The following NPIPA6 variants were observed in gnomAD, a reference collection of about 807,000 sequenced individuals.
The protein encoded by NPIPA6 is nuclear pore complex-interacting protein family member A6.
the NPIPA6 span, among the ~76,000 whole-genome samples, chr16:16,337,966 ATAGCT>A: frequency 5.1e-5 from 3 of 58,640 alleles, no homozygotes; most frequent in African/African-American, 2.7e-4. Context: ...CTTTCTTATC[ATAGCT>A]TAGCTTGCTT....
At chr16:16,338,248 G>A in the NPIPA6 span, among the ~76,000 whole-genome samples, 1 of 63,114 alleles carries the variant, frequency 1.6e-5, no homozygotes, top group Non-Finnish European at 2.6e-5. Context: ...ATGTAGAAAT[G>A]TTATCAGAAG....
At chr16:16,337,163 A>G in the NPIPA6 span, among the ~76,000 whole-genome samples, 1 of 100,814 alleles carries the variant, frequency 9.9e-6, no homozygotes, top group Non-Finnish European at 1.9e-5. Flanking sequence ...TCTTGTCTCT[A>G]ACAAACAAAA....
chr16:16,343,713 T>TTGTGTGTGTG, the NPIPA6 span, among the ~76,000 whole-genome samples: 3 of 81,586 alleles, frequency 3.7e-5, no homozygotes, highest in East Asian at 4.6e-4. Context: ...TTCTTGTGTG[T>TTGTGTGTGTG]TGTGTGTGTG....
At chr16:16,336,606 C>G in the NPIPA6 span, 5 of 215,542 alleles carry the variant, frequency 2.3e-5, no homozygotes, top group Non-Finnish European at 4.4e-5. Flanking sequence ...CAACTCAGAT[C>G]GGGCCCGGTC....
the NPIPA6 span, chr16:16,334,257 CTTTTTTTT>C: frequency 7.7e-6 from 2 of 259,626 alleles, no homozygotes; most frequent in African/African-American, 4.6e-5. Flanking sequence ...AGGGCTTCTT[CTTTTTTTT>C]TTTTTTTTTT....
the NPIPA6 span, chr16:16,336,625 C>T: frequency 5.5e-6 from 1 of 182,234 alleles, no homozygotes; most frequent in African/African-American, 5.2e-5. Flanking sequence ...TCCCCGTCCC[C>T]TTCCCTCCCC....
chr16:16,337,174 C>T, the NPIPA6 span, among the ~76,000 whole-genome samples: 4 of 104,788 alleles, frequency 3.8e-5, no homozygotes, highest in Admixed American at 9.2e-5. Flanking sequence ...ACAAACAAAA[C>T]GGACCAAAAC....
At chr16:16,343,313 C>T in the NPIPA6 span, among the ~76,000 whole-genome samples, 2 of 117,302 alleles carry the variant, frequency 1.7e-5, no homozygotes, top group Non-Finnish European at 3.5e-5. Context: ...GGATGGTCTC[C>T]ATCTCTTGAC....
chr16:16,337,936 T>C, the NPIPA6 span, among the ~76,000 whole-genome samples: 1 of 56,098 alleles, frequency 1.8e-5, no homozygotes, highest in Non-Finnish European at 3.1e-5. Flanking sequence ...AAGTGAACTC[T>C]CACTCTTCCC....
chr16:16,343,713 T>TGG, the NPIPA6 span, among the ~76,000 whole-genome samples: 6 of 81,502 alleles, frequency 7.4e-5, no homozygotes, highest in African/African-American at 1.0e-4. Context: ...TTCTTGTGTG[T>TGG]TGTGTGTGTG....
At chr16:16,343,338 G>A in the NPIPA6 span, among the ~76,000 whole-genome samples, 41 of 102,894 alleles carry the variant, frequency 4.0e-4, no homozygotes, top group East Asian at 1.1e-3. Context: ...TGATTCACCC[G>A]CCTCGGCCTC....
the NPIPA6 span, among the ~76,000 whole-genome samples, chr16:16,343,714 T>G: frequency 2.6e-3 from 108 of 41,118 alleles, no homozygotes; most frequent in Non-Finnish European, 3.4e-3. Context: ...TCTTGTGTGT[T>G]GTGTGTGTGT....
At chr16:16,337,287 A>T in the NPIPA6 span, 1 of 126,202 alleles carries the variant, frequency 7.9e-6, no homozygotes, top group Non-Finnish European at 1.5e-5. Flanking sequence ...TGCAGTGGCA[A>T]GATCTCGGCT....
At chr16:16,337,293 C>T in the NPIPA6 span, 4 of 119,230 alleles carry the variant, frequency 3.4e-5, no homozygotes, top group East Asian at 3.2e-4. Context: ...GGCAAGATCT[C>T]GGCTCACTGC....
the NPIPA6 span, among the ~76,000 whole-genome samples, chr16:16,343,397 T>TATA: frequency 8.3e-3 from 108 of 12,940 alleles, 1 homozygote; most frequent in East Asian, 0.093. Context: ...GGCCTATATA[T>TATA]TTTTTTTTTT....
the NPIPA6 span, among the ~76,000 whole-genome samples, chr16:16,338,123 A>C: frequency 7.3e-5 from 6 of 82,492 alleles, no homozygotes; most frequent in African/African-American, 3.8e-4. Context: ...TTTCAGACTC[A>C]GCATATGCTG....
the NPIPA6 span, among the ~76,000 whole-genome samples, chr16:16,343,091 TC>T: frequency 9.4e-6 from 1 of 106,882 alleles, no homozygotes; most frequent in African/African-American, 3.6e-5. Context: ...TATATTCATG[TC>T]ATTTTTTTTT....
chr16:16,343,853 C>T, the NPIPA6 span, among the ~76,000 whole-genome samples: 1 of 36,074 alleles, frequency 2.8e-5, no homozygotes, highest in African/African-American at 1.4e-4. Context: ...CCGAGTAGCT[C>T]GGATTACAGG....
the NPIPA6 span, among the ~76,000 whole-genome samples, chr16:16,343,275 TAG>T: frequency 7.5e-6 from 1 of 132,874 alleles, no homozygotes; most frequent in Non-Finnish European, 1.6e-5. Context: ...GTATTTTTAG[TAG>T]AGACGGGGTT....
Sources: gnomAD v4.1 joint callset for allele counts (sites outside exome capture counted in the v4.1 genomes callset) on GRCh38, gnomAD v4.1.1 for gene constraint, MANE v1.5 for transcripts, NCBI Gene and HGNC (gene_info 2026-07-23, HGNC 2026-07-21) for gene names.